The following KIAA1217 variants were observed in gnomAD, a reference collection of about 807,000 sequenced individuals.
KIAA1217 encodes sickle tail protein homolog.
In KIAA1217, 88 loss-of-function variants were observed where a neutral mutation model predicts 163.9. That is an observed-to-expected ratio of 0.54 (90% CI 0.45 to 0.64). The LOEUF (loss-of-function observed/expected upper bound fraction) is 0.64, where lower values mean the gene tolerates loss of function less well. Among genes scored for constraint, KIAA1217 ranks in the 30% least tolerant of loss-of-function variants. KIAA1217 has a pLI of 0.00. For missense variants in KIAA1217, 2,372 were observed against 2,475.0 expected, an observed-to-expected ratio of 0.96 and a Z score of 0.88; for synonymous variants, 903 against 923.1, an observed-to-expected ratio of 0.98 and a Z score of 0.39.
chr10:24,279,424 C>T (rs561706287), intron 2 of KIAA1217, among the ~76,000 whole-genome samples: 3 of 152,062 alleles, frequency 2.0e-5, no homozygotes, highest in Non-Finnish European at 2.9e-5. Flanking sequence ...ATAAAATCTA[C>T]AATATTGCTC....
At chr10:23,697,974 T>G (rs1364244526) in intron 1 of KIAA1217, among the ~76,000 whole-genome samples, 1 of 152,120 alleles carries the variant, frequency 6.6e-6, no homozygotes, top group Non-Finnish European at 1.5e-5. Context: ...GAGTCAAGAG[T>G]TTATAGGCAT....
intron 2 of KIAA1217, among the ~76,000 whole-genome samples, chr10:24,025,485 G>A (rs1031940958): frequency 6.6e-6 from 1 of 151,492 alleles, no homozygotes; most frequent in African/African-American, 2.4e-5. Context: ...AATTCTTTTG[G>A]CTATTTGAGG....
chr10:24,423,844 A>G (rs1591809756), intron 3 of KIAA1217, among the ~76,000 whole-genome samples: 2 of 152,198 alleles, frequency 1.3e-5, no homozygotes, highest in East Asian at 3.8e-4. Context: ...CCAAGGGCAC[A>G]TTCAAAATTG....
At chr10:23,926,586 G>A (rs539479199) in intron 1 of KIAA1217, among the ~76,000 whole-genome samples, 7 of 152,090 alleles carry the variant, frequency 4.6e-5, no homozygotes, top group South Asian at 2.1e-4. Context: ...TTAGCTGGGC[G>A]TGGTGGCAGG....
At chr10:23,945,817 G>T (rs1453897302) in intron 1 of KIAA1217, among the ~76,000 whole-genome samples, 1 of 152,078 alleles carries the variant, frequency 6.6e-6, no homozygotes, top group Non-Finnish European at 1.5e-5. Context: ...TATGACAGGG[G>T]TGTGACAGGG....
intron 1 of KIAA1217, among the ~76,000 whole-genome samples, chr10:23,898,017 T>A (rs1841780628): frequency 6.6e-6 from 1 of 151,980 alleles, no homozygotes; most frequent in Non-Finnish European, 1.5e-5. Context: ...ATAGTGAGTG[T>A]TAGGAGAGAA....
rs929249581 is a variant in KIAA1217, at chr10:23,707,168, C to T, written c.-321+11934C>T. Among the ~76,000 whole-genome samples the T allele has an allele frequency of 3.3e-5, 5 of 152,098 alleles. No homozygotes were observed. The East Asian group carries it at 7.7e-4, about 24-fold the overall frequency. Reference sequence around the variant, plus strand: ...TAATTACAAACTAAATGTAAAATTACAGCTATGATTTGTATGATGAAGGGA... The same window carrying T: ...TAATTACAAACTAAATGTAAAATTATAGCTATGATTTGTATGATGAAGGGA... On this transcript the variant is annotated intron_variant, in intron 1 of 18. Transcript: ENST00000376462.
intron 3 of KIAA1217, among the ~76,000 whole-genome samples, chr10:24,427,361 C>T (rs927862315): frequency 6.6e-5 from 10 of 152,160 alleles, no homozygotes; most frequent in African/African-American, 2.2e-4. Flanking sequence ...GAGGATAGCT[C>T]AGGTTGCCCT....
intron 1 of KIAA1217, among the ~76,000 whole-genome samples, chr10:23,752,326 T>C (rs1293813541): frequency 6.6e-6 from 1 of 152,206 alleles, no homozygotes; most frequent in African/African-American, 2.4e-5. Context: ...TACATTTTAT[T>C]GACTCCTTAG....
rs3072739 is a variant in KIAA1217, at chr10:23,821,104, C to CGTGTGTGTGT, written c.-321+125894_-321+125903dup. Among the ~76,000 whole-genome samples, 484 of 143,210 alleles carry CGTGTGTGTGT rather than the reference C, an allele frequency of 3.4e-3. 3 individuals are homozygous for CGTGTGTGTGT. The highest frequency in any genetic ancestry group is 0.012 in the African/African-American group (461 of 39,740). 94.0% of individuals were successfully genotyped at this position (143,210 alleles called of 152,430 possible). ...TAATTTTCTTGCAGCTGTGTGTGTG[C>CGTGTGTGTGT]GTGTGTGTGTGTGTGTGTGTGTGTG... is the stretch of plus-strand genomic sequence containing the variant. On this transcript the variant is annotated intron_variant, in intron 1 of 18. Transcript: ENST00000376462.
intron 1 of KIAA1217, among the ~76,000 whole-genome samples, chr10:23,982,529 T>TTTTC (rs1365479677): frequency 1.4e-5 from 1 of 73,568 alleles, no homozygotes; most frequent in African/African-American, 5.1e-5. Context: ...TGTTTTTTGT[T>TTTTC]TCTCTCTCTC....
chr10:24,317,389 G>A (rs2043537453), intron 2 of KIAA1217, among the ~76,000 whole-genome samples: 1 of 152,108 alleles, frequency 6.6e-6, no homozygotes, highest in African/African-American at 2.4e-5. Context: ...GAGTAGCTGG[G>A]ACTGGAGGTG....
chr10:24,138,816 G>C (rs1405711871), intron 2 of KIAA1217, among the ~76,000 whole-genome samples: 1 of 151,864 alleles, frequency 6.6e-6, no homozygotes, highest in Non-Finnish European at 1.5e-5. Flanking sequence ...TTTTTGTTTT[G>C]CTTTTTAACC....
intron 1 of KIAA1217, among the ~76,000 whole-genome samples, chr10:24,209,708 G>T (rs951233467): frequency 6.6e-6 from 1 of 152,200 alleles, no homozygotes; most frequent in African/African-American, 2.4e-5. Flanking sequence ...AGTTTGTGCA[G>T]AATTTTAGAG....
At chr10:24,291,425 G>A (rs1214404545) in intron 2 of KIAA1217, among the ~76,000 whole-genome samples, 1 of 152,168 alleles carries the variant, frequency 6.6e-6, no homozygotes, top group Non-Finnish European at 1.5e-5. Flanking sequence ...AGCTATTAGG[G>A]TGGCTGAAGC....
chr10:24,202,202 G>A (rs985161421), intron 2 of KIAA1217, among the ~76,000 whole-genome samples: 4 of 152,166 alleles, frequency 2.6e-5, no homozygotes, highest in Admixed American at 6.5e-5. Context: ...ATGAAAAAGT[G>A]GAACAAAAAC....
chr10:24,433,320 T>A, intron 4 of KIAA1217, 127 bp downstream of exon 4: 1 of 644,658 alleles, frequency 1.6e-6, no homozygotes, highest in Admixed American at 3.0e-5. Flanking sequence ...TTGTTTTTTG[T>A]TTTTTGTTTT....
At chr10:24,244,707 G>A (rs541912651) in intron 2 of KIAA1217, among the ~76,000 whole-genome samples, 9 of 151,862 alleles carry the variant, frequency 5.9e-5, no homozygotes, top group African/African-American at 1.7e-4. Context: ...TGAGATTATA[G>A]GCATGTGCTA....
intron 2 of KIAA1217, among the ~76,000 whole-genome samples, chr10:24,008,102 A>AGATGTAAATACAGCCCTGCAGG (rs1847076338): frequency 6.6e-6 from 1 of 152,170 alleles, no homozygotes; most frequent in Non-Finnish European, 1.5e-5. Context: ...ACAGCCCTCA[A>AGATGTAAATACAGCCCTGCAGG]CATTCTGCCT....
Sources: gnomAD v4.1 joint callset for allele counts (sites outside exome capture counted in the v4.1 genomes callset) on GRCh38, gnomAD v4.1.1 for gene constraint, MANE v1.5 for transcripts, NCBI Gene and HGNC (gene_info 2026-07-23, HGNC 2026-07-21) for gene names.